The following MYO18B variants were observed in gnomAD, a reference collection of about 807,000 sequenced individuals.
The protein encoded by MYO18B is myosin XVIIIB, also known as unconventional myosin-XVIIIb.
Under a neutral mutation model 273.0 loss-of-function variants are expected in MYO18B, and 204 were observed. The ratio of observed to expected loss-of-function variants is 0.75; its 90% CI spans 0.67 to 0.84. The LOEUF (loss-of-function observed/expected upper bound fraction) is 0.84. MYO18B is among the 40% of genes least tolerant of loss of function. The pLI, the probability that MYO18B is intolerant of heterozygous loss-of-function variation, is 0.00. For missense variants in MYO18B, 3,212 were observed against 3,287.6 expected (o/e 0.98, Z 0.56); for synonymous variants, 1,330 against 1,305.7 (o/e 1.02, Z -0.40).
At chr22:25,951,014 C>T (rs1010787417) in intron 37 of MYO18B, among the ~76,000 whole-genome samples, 10 of 152,310 alleles carry the variant, frequency 6.6e-5, no homozygotes, top group African/African-American at 1.2e-4. Flanking sequence ...GCATCCAGCA[C>T]GGGAGAAAGA....
At chr22:25,941,276 C>G (rs1409358994) in intron 34 of MYO18B, among the ~76,000 whole-genome samples, 1 of 152,158 alleles carries the variant, frequency 6.6e-6, no homozygotes, top group East Asian at 1.9e-4. Context: ...GAGGCCTTGT[C>G]CATGGGGACG....
chr22:25,931,131 A>G (rs763464104), intron 34 of MYO18B, among the ~76,000 whole-genome samples: 45 of 152,178 alleles, frequency 3.0e-4, no homozygotes, highest in Non-Finnish European at 6.0e-4. Context: ...TTTTATTTGA[A>G]GAGCCTTTTT....
At chr22:25,992,538 G>A (rs772444364) in intron 40 of MYO18B, 45 bp downstream of exon 40, 25 of 1,610,610 alleles carry the variant, frequency 1.6e-5, no homozygotes, top group African/African-American at 2.7e-5. Flanking sequence ...GCAGGTGGGC[G>A]GCATCCTGGG....
intron 18 of MYO18B, 133 bp downstream of exon 18, chr22:25,844,027 G>A (rs2145999159): frequency 1.3e-6 from 1 of 761,702 alleles, no homozygotes; most frequent in Non-Finnish European, 2.0e-6. Context: ...CCATAATGGA[G>A]CAAAGAACCA....
chr22:25,744,680 G>A (rs1034258402), intron 1 of MYO18B, among the ~76,000 whole-genome samples: 5 of 152,188 alleles, frequency 3.3e-5, no homozygotes, highest in African/African-American at 1.2e-4. Context: ...CTTGCAGTGA[G>A]CCGAGATCAC....
At chr22:26,000,366 A>T (rs997273806) in intron 40 of MYO18B, among the ~76,000 whole-genome samples, 1 of 152,166 alleles carries the variant, frequency 6.6e-6, no homozygotes, top group African/African-American at 2.4e-5. Flanking sequence ...CCTTCCTCCT[A>T]GGTCTCTCTT....
Position 25,855,433 on chromosome 22 carries a change from G to A in MYO18B, c.3885+3854G>A, listed in dbSNP as rs192371224. ...TGAGTAGCTGGAACTTCAGGCGCCC[G>A]CCACCACGCCTGGCTAATTTTTTGT... On this transcript the variant is annotated intron_variant, in intron 21 of 43. Transcript: ENST00000335473. 2.0e-3 allele frequency among the ~76,000 whole-genome samples: 306 copies of A among 151,988 alleles called. 1 individual carries two copies. The highest frequency in any genetic ancestry group is 3.5e-3 in the Non-Finnish European group (235 of 67,968).
intron 27 of MYO18B, among the ~76,000 whole-genome samples, chr22:25,891,986 A>G (rs1335833586): frequency 1.3e-5 from 2 of 152,242 alleles, no homozygotes; most frequent in Non-Finnish European, 2.9e-5. Flanking sequence ...CCTGGGCTAC[A>G]GAGCAAGACC....
rs59165419 is a variant in MYO18B at position 25,760,434 on chromosome 22, A to AAC, written c.-109-550_-109-549insAC. 1.7e-3 allele frequency among the ~76,000 whole-genome samples: 193 copies of AAC among 111,520 alleles called. 5 individuals carry two copies. Among genetic ancestry groups the AAC allele is most frequent in the Middle Eastern group, 5.5e-3 (1 of 182 alleles). 73.2% of individuals were successfully genotyped at this position (111,520 alleles called of 152,430 possible). A position where few individuals can be genotyped will look rare whatever the true frequency, so the allele number is the denominator to read the frequency against. ...CTCAAAAAAAAAAAAAAAAAAAAAA[A>AAC]CACAAAAACAAATAATAGTGGTTTC... On this transcript the variant is annotated intron_variant, in intron 1 of 43. Transcript: ENST00000335473.
intron 12 of MYO18B, among the ~76,000 whole-genome samples, chr22:25,819,725 T>C (rs2089192844): frequency 6.6e-6 from 1 of 152,124 alleles, no homozygotes; most frequent in South Asian, 2.1e-4. Flanking sequence ...CATTTAAAAG[T>C]AGAGTCACAA....
rs1032577389 is a variant in MYO18B, at chr22:25,812,116, T to C, written c.2522-11389T>C. Among the ~76,000 whole-genome samples the C allele has an allele frequency of 1.2e-4, 18 of 152,286 alleles. No homozygotes were observed. In the South Asian group the frequency reaches 2.5e-3, roughly 21 times the overall value. On this transcript the variant is annotated intron_variant, in intron 12 of 43. Coordinates refer to ENST00000335473, the MANE Select transcript of MYO18B (RefSeq NM_032608.7). ...TCTCTGTCTGCCATGCACTGTGTCA[T>C]TGGGGGTCCAAGGAAGGCTTGGCAT...
intron 22 of MYO18B, among the ~76,000 whole-genome samples, chr22:25,871,334 G>A (rs2091039191): frequency 6.6e-6 from 1 of 152,134 alleles, no homozygotes; most frequent in South Asian, 2.1e-4. Flanking sequence ...ATTTAACAGG[G>A]GGTGGCTGTC....
At chr22:25,866,766 C>A (rs751684968) in intron 21 of MYO18B, among the ~76,000 whole-genome samples, 1 of 114,486 alleles carries the variant, frequency 8.7e-6, no homozygotes, top group African/African-American at 3.4e-5. Context: ...AGCCTGGTGA[C>A]AGAGCGAGAC....
At chr22:25,983,646 T>C (rs1463326476) in intron 39 of MYO18B, 1 of 152,246 alleles carries the variant, frequency 6.6e-6, no homozygotes, top group Non-Finnish European at 1.5e-5. Flanking sequence ...CCTTGACTTC[T>C]GGTAGGTTCT....
intron 1 of MYO18B, among the ~76,000 whole-genome samples, 180 bp from the exon 2 acceptor site, chr22:25,760,804 C>T (rs1000239860): frequency 3.3e-5 from 5 of 152,206 alleles, no homozygotes; most frequent in Non-Finnish European, 1.5e-5. Context: ...GTTCACTCCG[C>T]GGCCTGCAGG....
intron 42 of MYO18B, 28 bp downstream of exon 42, chr22:26,004,883 A>G (rs1194910334): frequency 6.2e-7 from 1 of 1,612,698 alleles, no homozygotes; most frequent in Non-Finnish European, 8.5e-7. Context: ...CTGCCTCTGG[A>G]TGGCTAATAG....
intron 11 of MYO18B, among the ~76,000 whole-genome samples, chr22:25,788,607 A>G (rs1355038231): frequency 6.6e-6 from 1 of 152,182 alleles, no homozygotes; most frequent in Non-Finnish European, 1.5e-5. Context: ...TATTTATGAA[A>G]AAAATTATCC....
At chr22:25,976,602 A>G (rs1371526244) in intron 39 of MYO18B, among the ~76,000 whole-genome samples, 1 of 152,122 alleles carries the variant, frequency 6.6e-6, no homozygotes, top group Non-Finnish European at 1.5e-5. Context: ...TTTATGTTGC[A>G]TGCTCCGTTT....
chr22:25,782,654 A>G (rs989207692), intron 10 of MYO18B, among the ~76,000 whole-genome samples: 2 of 152,038 alleles, frequency 1.3e-5, no homozygotes, highest in African/African-American at 4.8e-5. Context: ...GAGGGGTGAT[A>G]ATTTGTGGTT....
Sources: allele counts gnomAD v4.1 joint callset (sites outside exome capture counted in the v4.1 genomes callset), GRCh38; gene constraint gnomAD v4.1.1; transcripts MANE v1.5; gene names NCBI Gene and HGNC (gene_info 2026-07-23, HGNC 2026-07-21).